The following RBM6 variants were observed in gnomAD, a reference collection of about 807,000 sequenced individuals.
The protein encoded by RBM6 is RNA binding motif protein 6.
RBM6 carries 23 observed loss-of-function variants against 140.4 expected under a neutral mutation model. That is an observed-to-expected ratio of 0.16 (90% CI 0.12 to 0.23). The LOEUF is 0.23. Ranked by LOEUF, RBM6 falls within the 10% of genes least tolerant of loss-of-function variation. The pLI is 1.00. For missense variants in RBM6, 1,139 were observed against 1,386.7 expected, an observed-to-expected ratio of 0.82 and a Z score of 2.84; for synonymous variants, 439 against 475.6, an observed-to-expected ratio of 0.92 and a Z score of 1.00.
intron 1 of RBM6, 133 bp from the exon 2 acceptor site, chr3:49,962,443 A>AT: frequency 1.8e-6 from 1 of 558,916 alleles, no homozygotes; most frequent in Non-Finnish European, 3.1e-6. Flanking sequence ...AAAAAAAAAA[A>AT]GAAAAGAAAG....
intron 6 of RBM6, among the ~76,000 whole-genome samples, chr3:50,001,005 C>G (rs1305206093): frequency 6.6e-6 from 1 of 152,110 alleles, no homozygotes; most frequent in South Asian, 2.1e-4. Context: ...AGGACCATAT[C>G]CCCTAGACTT....
At chr3:50,060,776 A>G (rs945961156) in intron 11 of RBM6, 180 bp from the exon 12 acceptor site, 2 of 407,754 alleles carry the variant, frequency 4.9e-6, no homozygotes, top group South Asian at 1.0e-4. Flanking sequence ...AAAAAAAAAA[A>G]GAGTCTTACT....
intron 5 of RBM6, among the ~76,000 whole-genome samples, chr3:49,982,725 A>T (rs1357051592): frequency 7.8e-6 from 1 of 127,658 alleles, no homozygotes; most frequent in African/African-American, 3.0e-5. Context: ...GCCTATTTTT[A>T]AATTTTTTTT....
chr3:49,969,091 C>T, intron 3 of RBM6, among the ~76,000 whole-genome samples: 1 of 150,962 alleles, frequency 6.6e-6, no homozygotes, highest in East Asian at 1.9e-4. Context: ...GTGACATAAT[C>T]TCAGCTCACT....
At chr3:50,062,184 A>G (rs978686502) in intron 15 of RBM6, 76 bp downstream of exon 15, 10 of 1,496,480 alleles carry the variant, frequency 6.7e-6, no homozygotes, top group African/African-American at 2.8e-5. Context: ...GAGGATATCT[A>G]TGTTTGCAAG....
intron 8 of RBM6, among the ~76,000 whole-genome samples, chr3:50,056,791 A>T (rs2089720986): frequency 6.6e-6 from 1 of 152,236 alleles, no homozygotes; most frequent in Non-Finnish European, 1.5e-5. Context: ...AAAACAAACT[A>T]TAAAGACAAA....
chr3:50,075,206 G>C lies in RBM6; in HGVS notation c.3122G>C (p.Arg1041Pro). ...GGTGTCTGCTTCTTTTGCAGTGATC[G>C]TAAACTTGTTGATAAAGAAGATATC... ...IKYSRETDSD[R>P]KLVDKEDIDT... is the part of the protein sequence containing the mutation. The change falls in exon 20 of 21, where the codon CGT becomes CCT. Residue 1041 changes from arginine (R) to proline (P), a missense_variant. Coordinates refer to ENST00000266022, the MANE Select transcript of RBM6 (RefSeq NM_005777.3). The C allele has an allele frequency of 5.0e-6, 8 of 1,613,514 alleles. No homozygotes were observed. Among genetic ancestry groups the C allele is most frequent in the Non-Finnish European group, 6.8e-6 (8 of 1,179,798 alleles).
chr3:50,021,637 T>C (rs1033227373), intron 6 of RBM6, among the ~76,000 whole-genome samples: 14 of 151,600 alleles, frequency 9.2e-5, no homozygotes, highest in African/African-American at 2.7e-4. Flanking sequence ...CAAAACTTTG[T>C]CTCTAAATAA....
chr3:50,048,176 CTG>C, intron 6 of RBM6, 67 bp from the exon 7 acceptor site: 1 of 1,577,452 alleles, frequency 6.3e-7, no homozygotes, highest in Non-Finnish European at 8.6e-7. Flanking sequence ...GAAAGGCTCT[CTG>C]TGCCTTTCTG....
At chr3:50,042,795 G>T (rs573226411) in intron 6 of RBM6, among the ~76,000 whole-genome samples, 1 of 152,010 alleles carries the variant, frequency 6.6e-6, no homozygotes, top group Non-Finnish European at 1.5e-5. Context: ...TTGAGCCAAC[G>T]GAATGGGAGC....
intron 5 of RBM6, among the ~76,000 whole-genome samples, chr3:49,998,470 C>G (rs941044564): frequency 6.6e-6 from 1 of 152,156 alleles, no homozygotes; most frequent in Admixed American, 6.5e-5. Context: ...ATGGAAGCCA[C>G]TTGGGGAGCA....
At chr3:50,017,578 GA>G (rs898015722) in intron 6 of RBM6, among the ~76,000 whole-genome samples, 22 of 149,190 alleles carry the variant, frequency 1.5e-4, no homozygotes, top group Non-Finnish European at 2.4e-4. Flanking sequence ...AAAAGAAAAA[GA>G]AAAAAAAATG....
rs542734328 is a variant in RBM6, at chr3:50,021,740, C to CTTTTTTTTTTTT, written c.1557+22246_1557+22257dup. On this transcript the variant is annotated intron_variant, in intron 6 of 20. Transcript: ENST00000266022. ...ATCTCCATACTGAGGAATTTAAGTG[C>CTTTTTTTTTTTT]TTTTTTTTTTTTTTTTTTTTTTTTT... Among the ~76,000 whole-genome samples the CTTTTTTTTTTTT allele has an allele frequency of 2.3e-3, 100 of 42,754 alleles. 24 individuals are homozygous for CTTTTTTTTTTTT. Among genetic ancestry groups the CTTTTTTTTTTTT allele is most frequent in the South Asian group, 4.3e-3 (3 of 696 alleles). 28.0% of individuals were successfully genotyped at this position (42,754 alleles called of 152,430 possible).
At chr3:50,064,482 A>G (rs2090050377) in intron 15 of RBM6, among the ~76,000 whole-genome samples, 1 of 152,138 alleles carries the variant, frequency 6.6e-6, no homozygotes, top group Admixed American at 6.6e-5. Flanking sequence ...GACATACAGT[A>G]ATCATGCAAT....
At chr3:49,974,673 ATTTTTTTT>A (rs55872898) in intron 4 of RBM6, among the ~76,000 whole-genome samples, 31,368 of 72,876 alleles carry the variant, frequency 0.43, 6,052 homozygotes, top group Middle Eastern at 0.57. Flanking sequence ...TGCCCGGCCA[ATTTTTTTT>A]TTTTTTTTTT....
chr3:49,980,584 C>T (rs1317676736), intron 5 of RBM6, among the ~76,000 whole-genome samples: 2 of 151,098 alleles, frequency 1.3e-5, no homozygotes, highest in Admixed American at 6.6e-5. Context: ...ACATGGCGAA[C>T]GAAACCTGTC....
chr3:50,012,823 A>G (rs1475107245), intron 6 of RBM6, among the ~76,000 whole-genome samples: 1 of 140,780 alleles, frequency 7.1e-6, no homozygotes, highest in Non-Finnish European at 1.5e-5. Flanking sequence ...GCTCACCACA[A>G]CCTCCCCGTC....
intron 6 of RBM6, among the ~76,000 whole-genome samples, chr3:50,009,799 A>G (rs1170829220): frequency 2.6e-5 from 4 of 152,110 alleles, no homozygotes; most frequent in African/African-American, 4.8e-5. Context: ...TCCTGGACTC[A>G]AGCAGTCCTG....
rs1158798266 is a variant in RBM6 at position 49,962,645 on chromosome 3, T to TG, written c.10dup (p.Asp4GlyfsTer6). On this transcript the variant is annotated frameshift_variant, in exon 2 of 21. Transcript: ENST00000266022. LOFTEE classifies it high-confidence loss of function. ...GGGGCCCTCTTGATAAAAAGAGATG[T>TG]GGGGGGATTCTCGACCTGCTAACAG... The TG allele has an allele frequency of 6.3e-7, 1 of 1,586,148 alleles. No individual in the cohort carries two copies. Among genetic ancestry groups the TG allele is most frequent in the Non-Finnish European group, 8.5e-7 (1 of 1,170,806 alleles).
Sources: allele counts gnomAD v4.1 joint callset (sites outside exome capture counted in the v4.1 genomes callset), GRCh38; gene constraint gnomAD v4.1.1; transcripts MANE v1.5; gene names NCBI Gene and HGNC (gene_info 2026-07-23, HGNC 2026-07-21).